ARID3B: variants seen among roughly 807,000 people sequenced by gnomAD.
ARID3B encodes AT-rich interactive domain-containing protein 3B.
ARID3B carries 10 observed loss-of-function variants against 51.9 expected under a neutral mutation model. That is an observed-to-expected ratio of 0.19 (90% CI 0.12 to 0.33). The LOEUF is 0.33. Among genes scored for constraint, ARID3B ranks in the 10% least tolerant of loss-of-function variants. The pLI is 1.00. For missense variants in ARID3B, 483 were observed against 716.3 expected, an observed-to-expected ratio of 0.67 and a Z score of 3.72; for synonymous variants, 205 against 279.5, an observed-to-expected ratio of 0.73 and a Z score of 2.66.
chr15:74,582,701 TGTTACCCAGCA>T, intron 4 of ARID3B, among the ~76,000 whole-genome samples: 1 of 152,224 alleles, frequency 6.6e-6, no homozygotes, highest in Middle Eastern at 3.4e-3. Context: ...ACCTGGACCT[TGTTACCCAGCA>T]GTTGCACTCC....
rs1388966939 is a variant in ARID3B at position 74,598,096 on chromosome 15, GTT to G, written c.*2324_*2325del. The stretch of plus-strand genomic sequence containing the variant: ...TTTTCTATCTTACATGTTCTCGAAT[GTT>G]TATATTTCAATAAACCTCTACCTCT... On this transcript the variant is annotated 3_prime_UTR_variant, in exon 9 of 9. Coordinates refer to ENST00000346246, the MANE Select transcript of ARID3B (RefSeq NM_006465.4). The G allele has an allele frequency of 6.0e-6, 3 of 503,952 alleles. No individual in the cohort carries two copies. The highest frequency in any genetic ancestry group is 5.7e-5 in the African/African-American group (3 of 52,564). 31.2% of individuals were successfully genotyped at this position (503,952 alleles called of 1,614,324 possible).
chr15:74,573,359 G>C (rs548126562), intron 4 of ARID3B, 155 bp downstream of exon 4: 1 of 763,532 alleles, frequency 1.3e-6, no homozygotes, highest in African/African-American at 1.7e-5. Context: ...CCAATTAACC[G>C]ATAGCCAGAT....
At chr15:74,590,993 C>T (rs973022060) in intron 5 of ARID3B, among the ~76,000 whole-genome samples, 158 bp from the exon 6 acceptor site, 7 of 152,158 alleles carry the variant, frequency 4.6e-5, no homozygotes, top group Admixed American at 1.3e-4. Flanking sequence ...GCAGAGTGTC[C>T]GGCCATCCCA....
intron 4 of ARID3B, among the ~76,000 whole-genome samples, chr15:74,579,558 C>G (rs993884973): frequency 6.6e-6 from 1 of 152,090 alleles, no homozygotes; most frequent in Non-Finnish European, 1.5e-5. Flanking sequence ...ATCGAGCTAC[C>G]CTTGATGAAC....
intron 2 of ARID3B, among the ~76,000 whole-genome samples, chr15:74,549,481 C>T (rs903797499): frequency 1.3e-5 from 2 of 151,214 alleles, no homozygotes; most frequent in African/African-American, 4.9e-5. Flanking sequence ...GCAGGAAAAT[C>T]ACTTGAACCT....
At chr15:74,558,279 A>G (rs2061667066) in intron 2 of ARID3B, among the ~76,000 whole-genome samples, 2 of 131,538 alleles carry the variant, frequency 1.5e-5, no homozygotes, top group South Asian at 4.7e-4. Context: ...CTTTTCTTTT[A>G]AAATCTTATG....
intron 2 of ARID3B, among the ~76,000 whole-genome samples, chr15:74,560,133 A>T (rs2061674618): frequency 6.6e-6 from 1 of 151,370 alleles, no homozygotes; most frequent in South Asian, 2.1e-4. Context: ...TGAATCTGGG[A>T]GATGGAGATT....
chr15:74,588,845 A>G (rs1329293926), intron 4 of ARID3B, among the ~76,000 whole-genome samples: 1 of 151,628 alleles, frequency 6.6e-6, no homozygotes, highest in African/African-American at 2.4e-5. Flanking sequence ...CCCCTTTCAG[A>G]GGCCAGGGAG....
intron 2 of ARID3B, among the ~76,000 whole-genome samples, chr15:74,551,719 A>T (rs1448912991): frequency 1.3e-5 from 2 of 152,220 alleles, no homozygotes; most frequent in Admixed American, 1.3e-4. Context: ...GACCACTTTT[A>T]AAAAATTTCC....
chr15:74,555,780 G>C (rs867302735), intron 2 of ARID3B, among the ~76,000 whole-genome samples: 1 of 137,992 alleles, frequency 7.2e-6, no homozygotes, highest in Non-Finnish European at 1.5e-5. Context: ...CTTACGAGCT[G>C]TATTTCTTTT....
Position 74,557,470 on chromosome 15 carries a change from CACTTTTGT to C in ARID3B, c.552+12985_552+12992del. On this transcript the variant is annotated intron_variant, in intron 2 of 8. Coordinates refer to ENST00000346246, the MANE Select transcript of ARID3B (RefSeq NM_006465.4). The stretch of plus-strand genomic sequence containing the variant: ...TCAAAAAATCTTTTTATTTTGCCCT[CACTTTTGT>C]ACAGTTGTTCATAGCTTTAGATTCT... Among the ~76,000 whole-genome samples the C allele has an allele frequency of 2.0e-5, 3 of 152,096 alleles. No individual in the cohort carries two copies. The South Asian group carries it at 6.2e-4, about 32-fold the overall frequency.
intron 2 of ARID3B, among the ~76,000 whole-genome samples, chr15:74,550,707 AAAAAAAAAAAAGG>A (rs2061633606): frequency 6.9e-6 from 1 of 144,444 alleles, no homozygotes; most frequent in South Asian, 2.2e-4. Flanking sequence ...TGTCCATCTC[AAAAAAAAAAAAGG>A]AAAAGAAAAA....
chr15:74,578,183 T>TG (rs2061745227), intron 4 of ARID3B, among the ~76,000 whole-genome samples: 5 of 151,250 alleles, frequency 3.3e-5, no homozygotes, highest in Non-Finnish European at 7.4e-5. Flanking sequence ...TTTTTTGTTT[T>TG]TTTTGTTTTA....
At chr15:74,582,607 C>G (rs2061765952) in intron 4 of ARID3B, among the ~76,000 whole-genome samples, 1 of 152,192 alleles carries the variant, frequency 6.6e-6, no homozygotes, top group South Asian at 2.1e-4. Context: ...GAACCACCAG[C>G]TCTCCCATGC....
chr15:74,594,314 G>A (rs949688831), intron 8 of ARID3B, among the ~76,000 whole-genome samples: 6 of 152,208 alleles, frequency 3.9e-5, no homozygotes, highest in East Asian at 3.9e-4. Flanking sequence ...CAGGCGTGGG[G>A]GCGGGTGCCT....
intron 2 of ARID3B, among the ~76,000 whole-genome samples, chr15:74,557,267 T>A (rs2061662210): frequency 6.7e-6 from 1 of 150,212 alleles, no homozygotes; most frequent in South Asian, 2.1e-4. Context: ...AAAAAAAAAA[T>A]TAGCCAGATA....
At chr15:74,570,968 G>T (rs989359823) in intron 2 of ARID3B, among the ~76,000 whole-genome samples, 1 of 152,156 alleles carries the variant, frequency 6.6e-6, no homozygotes, top group Admixed American at 6.5e-5. Flanking sequence ...AACAATGTCT[G>T]CCTTGAGAGA....
At chr15:74,555,146 C>T (rs1483695314) in intron 2 of ARID3B, among the ~76,000 whole-genome samples, 2 of 152,022 alleles carry the variant, frequency 1.3e-5, no homozygotes, top group Admixed American at 6.6e-5. Flanking sequence ...TAAAGTAATA[C>T]TTTATTACAA....
rs377466587 is a variant in ARID3B at position 74,572,676 on chromosome 15, C to CA, written c.553-174dup. On this transcript the variant is annotated intron_variant, in intron 2 of 8. Coordinates refer to ENST00000346246, the MANE Select transcript of ARID3B (RefSeq NM_006465.4). ...TTTATTTTGGAACCAAATCAAAAGCCAAAAAAAAAAAAGATGTCCCTGTAA... is the reference window on the plus strand; with the variant it reads ...TTTATTTTGGAACCAAATCAAAAGCCAAAAAAAAAAAAAGATGTCCCTGTAA... Among the ~76,000 whole-genome samples, 331 of 141,042 alleles carry CA rather than the reference C, an allele frequency of 2.3e-3. 3 individuals are homozygous for CA. The highest frequency in any genetic ancestry group is 6.8e-3 in the African/African-American group (260 of 38,502). The allele number at this position is 141,042 out of a possible 152,430, so 92.5% of individuals were successfully genotyped here. A position where few individuals can be genotyped will look rare whatever the true frequency, so the allele number is the denominator to read the frequency against.
Sources: allele counts gnomAD v4.1 joint callset (sites outside exome capture counted in the v4.1 genomes callset), GRCh38; gene constraint gnomAD v4.1.1; transcripts MANE v1.5; gene names NCBI Gene and HGNC (gene_info 2026-07-23, HGNC 2026-07-21).